Variants in CYP2R1 observed in about 807,000 individuals in gnomAD.
CYP2R1 encodes the protein vitamin D 25-hydroxylase.
CYP2R1 carries 40 observed loss-of-function variants against 45.7 expected under a neutral mutation model. That is an observed-to-expected ratio of 0.87 (90% CI 0.68 to 1.14). CYP2R1 has a LOEUF of 1.14. Ranked by LOEUF, CYP2R1 falls within the 50% of genes most tolerant of loss-of-function variation. CYP2R1 has a pLI of 0.00. For synonymous variants in CYP2R1, 234 were observed against 219.3 expected (o/e 1.07, Z -0.59); for missense variants, 605 against 602.6 (o/e 1.00, Z -0.04).
At chr11:14,887,908 TAAC>T (rs1476413986) in intron 1 of CYP2R1, among the ~76,000 whole-genome samples, 1 of 152,200 alleles carries the variant, frequency 6.6e-6, no homozygotes, top group Non-Finnish European at 1.5e-5. Flanking sequence ...TTCTCCCTTA[TAAC>T]AACAACCTCC....
In CYP2R1 at chr11:14,880,616, C is replaced by T; in HGVS notation, c.520G>A (p.Gly174Ser). The T allele has an allele frequency of 6.2e-7, 1 of 1,609,916 alleles. No homozygotes were observed. The highest frequency in any genetic ancestry group is 8.5e-7 in the Non-Finnish European group (1 of 1,177,740). Residue 174 changes from glycine (G) to serine (S), a missense_variant, in exon 3 of 5, where the codon GGT becomes AGT. Gly to Ser is a moderately conservative substitution (Grantham distance 56). Coordinates refer to ENST00000334636, the MANE Select transcript of CYP2R1 (RefSeq NM_024514.5). ...AACTGTTTAAAGTCAAAAGGTCTAC[C>T]TTTGTATGTTTCAATAGCATCATTG... ...FFNDAIETYK[G>S]RPFDFKQLIT...
intron 1 of CYP2R1, chr11:14,891,658 G>A: frequency 8.6e-7 from 1 of 1,162,560 alleles, no homozygotes; most frequent in Non-Finnish European, 1.1e-6. Flanking sequence ...TGGACCTGAA[G>A]TGGCGGCGCG....
chr11:14,884,425 C>T (rs1202355437), intron 2 of CYP2R1, among the ~76,000 whole-genome samples: 4 of 150,818 alleles, frequency 2.7e-5, no homozygotes, highest in South Asian at 2.1e-4. Context: ...AGTAAACTAT[C>T]GCAAGAACAA....
intron 1 of CYP2R1, chr11:14,891,718 C>G (rs1176479593): frequency 7.1e-6 from 9 of 1,265,212 alleles, no homozygotes; most frequent in African/African-American, 1.6e-5. Flanking sequence ...CGAGCGGTAG[C>G]GGGAAAATCA....
chr11:14,883,221 G>A (rs1217594749), intron 2 of CYP2R1, among the ~76,000 whole-genome samples: 1 of 151,256 alleles, frequency 6.6e-6, no homozygotes, highest in East Asian at 1.9e-4. Context: ...AGCCTGCATC[G>A]CCAAGTCAAT....
Position 14,878,014 on chromosome 11 carries a change from C to A in CYP2R1, c.*108G>T. 1 of 1,221,888 alleles carries A rather than the reference C, an allele frequency of 8.2e-7. No homozygotes were observed. The allele number at this position is 1,221,888 out of a possible 1,614,324, so 75.7% of individuals were successfully genotyped here. On this transcript the variant is annotated 3_prime_UTR_variant, in exon 5 of 5. Coordinates refer to ENST00000334636, the MANE Select transcript of CYP2R1 (RefSeq NM_024514.5). ...TTAAGACACATCTGTGTTCATTTGG[C>A]TTTTTGATGCTGTGACTTTTATTCT...
At chr11:14,880,058 G>C in intron 3 of CYP2R1, 78 bp downstream of exon 3, 1 of 1,461,980 alleles carries the variant, frequency 6.8e-7, no homozygotes, top group East Asian at 2.3e-5. Flanking sequence ...AAAATGTATT[G>C]TGCATGGCCA....
chr11:14,879,262 A>G lies in CYP2R1; in HGVS notation c.1182T>C (p.Ile394=), dbSNP rs782766063. The G allele has an allele frequency of 6.2e-7, 1 of 1,613,354 alleles. No homozygotes were observed. Among genetic ancestry groups the G allele is most frequent in the Admixed American group, 1.7e-5 (1 of 59,832 alleles). ...SEDAVVRGYS[I]PKGTTVITNL... is the part of the protein sequence containing the mutation. ...TTGTAATTACTGTTGTGCCTTTAGG[A>G]ATGGAATAACCACGTACAACTGCAT... is the stretch of plus-strand genomic sequence containing the variant. Residue 394 remains isoleucine (I), a synonymous_variant, in exon 4 of 5, where the codon ATT becomes ATC. Coordinates refer to ENST00000334636, the MANE Select transcript of CYP2R1 (RefSeq NM_024514.5).
At chr11:14,890,818 G>T (rs1848821078) in intron 1 of CYP2R1, 1 of 969,832 alleles carries the variant, frequency 1.0e-6, no homozygotes, top group Non-Finnish European at 1.2e-6. Context: ...AAAGTGCTGG[G>T]ATTATAGGCG....
intron 2 of CYP2R1, among the ~76,000 whole-genome samples, chr11:14,884,267 A>T (rs1321574385): frequency 6.6e-6 from 1 of 151,922 alleles, no homozygotes; most frequent in Non-Finnish European, 1.5e-5. Context: ...AATAGCAAAG[A>T]CTTGGAACCA....
chr11:14,883,053 A>G (rs1848454951), intron 2 of CYP2R1, among the ~76,000 whole-genome samples: 1 of 152,220 alleles, frequency 6.6e-6, no homozygotes, highest in Non-Finnish European at 1.5e-5. Flanking sequence ...CAAATGGAAG[A>G]ACATTCCATG....
chr11:14,880,562 T>C lies in CYP2R1; in HGVS notation c.574A>G (p.Asn192Asp). The C allele has an allele frequency of 6.2e-7, 1 of 1,613,424 alleles. No individual in the cohort carries two copies. The highest frequency in any genetic ancestry group is 1.1e-5 in the South Asian group (1 of 91,062). Residue 192 changes from asparagine to aspartate, a missense_variant, in exon 3 of 5, where the codon AAT becomes GAT. Physicochemically the swap from Asn to Asp is conservative, Grantham distance 23 (BLOSUM62 1). Coordinates refer to ENST00000334636, the MANE Select transcript of CYP2R1 (RefSeq NM_024514.5). ...LITNAVSNIT[N>D]LIIFGERFTY... ...AATCGTTCTCCAAAAATGATCAGAT[T>C]GGTTATGTTTGAAACAGCATTCGTT...
intron 1 of CYP2R1, among the ~76,000 whole-genome samples, chr11:14,889,817 T>C (rs1443241796): frequency 2.0e-5 from 3 of 152,160 alleles, no homozygotes; most frequent in African/African-American, 7.2e-5. Flanking sequence ...GTCGAACAAA[T>C]GTGTTCTGTG....
chr11:14,884,373 C>T (rs1427941540), intron 2 of CYP2R1, among the ~76,000 whole-genome samples: 11 of 151,958 alleles, frequency 7.2e-5, no homozygotes, highest in African/African-American at 2.4e-4. Context: ...GAGTTCATGT[C>T]CTTTGTTAGG....
chr11:14,877,908 TC>T lies in CYP2R1; in HGVS notation c.*213del, dbSNP rs1199188355. 1.8e-6 allele frequency: 1 copy of T among 553,834 alleles called. No individual in the cohort carries two copies. The highest frequency in any genetic ancestry group is 1.9e-5 in the African/African-American group (1 of 52,290). 34.3% of individuals were successfully genotyped at this position (553,834 alleles called of 1,614,324 possible). On this transcript the variant is annotated 3_prime_UTR_variant, in exon 5 of 5. Coordinates refer to ENST00000334636, the MANE Select transcript of CYP2R1 (RefSeq NM_024514.5). ...CCCATCATTTGCACCTTTGTGTCTC[TC>T]AACAGAGAATTTTACCCCAGAAGTC... is the stretch of plus-strand genomic sequence containing the variant.
rs1210102927 is a variant in CYP2R1, at chr11:14,883,022, T to G, written c.368-2254A>C. On this transcript the variant is annotated intron_variant, in intron 2 of 4. Transcript: ENST00000334636. The stretch of plus-strand genomic sequence containing the variant: ...AGGAGAACTACAAACCACTGCTCAA[T>G]GAAATAAAAGAGGAAACAAACAAAT... Among the ~76,000 whole-genome samples the G allele has an allele frequency of 6.3e-4, 95 of 151,986 alleles. 1 individual carries two copies. The highest frequency in any genetic ancestry group is 3.4e-3 in the Middle Eastern group (1 of 294).
chr11:14,885,923 A>G lies in CYP2R1; in HGVS notation c.226-6T>C. 1 of 1,612,886 alleles carries G rather than the reference A, an allele frequency of 6.2e-7. No homozygotes were observed. Among genetic ancestry groups the G allele is most frequent in the Non-Finnish European group, 8.5e-7 (1 of 1,179,158 alleles). ...CCAAGATCTAAACTGAAGATCTTTG[A>G]GAAGAGAAGAAAAACAACATTTAAA... On this transcript the variant is annotated splice_region_variant and splice_polypyrimidine_tract_variant and intron_variant, in intron 1 of 4. Transcript: ENST00000334636.
chr11:14,881,091 C>G (rs1848366591), intron 2 of CYP2R1, among the ~76,000 whole-genome samples: 2 of 152,028 alleles, frequency 1.3e-5, no homozygotes. Flanking sequence ...CCTAATTTAC[C>G]AAAGACAAAT....
intron 2 of CYP2R1, among the ~76,000 whole-genome samples, chr11:14,884,888 TTG>T (rs1410074404): frequency 6.6e-6 from 1 of 152,072 alleles, no homozygotes; most frequent in African/African-American, 2.4e-5. Context: ...TCTATTATAA[TTG>T]TGGCTGCTTC....
Sources: allele counts gnomAD v4.1 joint callset (sites outside exome capture counted in the v4.1 genomes callset), GRCh38; gene constraint gnomAD v4.1.1; transcripts MANE v1.5; gene names NCBI Gene and HGNC (gene_info 2026-07-23, HGNC 2026-07-21).